Variants in SLMAP observed in about 807,000 individuals in gnomAD.
The protein encoded by SLMAP is sarcolemmal membrane-associated protein.
In SLMAP, 44 loss-of-function variants were observed where a neutral mutation model predicts 128.8. That is an observed-to-expected ratio of 0.34 (90% CI 0.27 to 0.44). The LOEUF (loss-of-function observed/expected upper bound fraction) is 0.44, where lower values mean the gene tolerates loss of function less well. Among genes scored for constraint, SLMAP ranks in the 20% least tolerant of loss-of-function variants. SLMAP has a pLI of 1.00. For missense variants in SLMAP, 787 were observed against 985.3 expected (o/e 0.80, Z 2.69); for synonymous variants, 327 against 348.8 (o/e 0.94, Z 0.70).
At chr3:57,819,902 C>A (rs557566585) in intron 2 of SLMAP, among the ~76,000 whole-genome samples, 1 of 152,046 alleles carries the variant, frequency 6.6e-6, no homozygotes, top group Non-Finnish European at 1.5e-5. Context: ...CAGGCACACA[C>A]CATCACACCC....
rs111414744 is a variant in SLMAP, at chr3:57,769,095, T to C, written c.198+11246T>C. ...GTTTCTTTTTGGGATGATGAAAATGTAAAATTGATTGTGGCGATGGTTGCA... is the reference window on the plus strand; with the variant it reads ...GTTTCTTTTTGGGATGATGAAAATGCAAAATTGATTGTGGCGATGGTTGCA... On this transcript the variant is annotated intron_variant, in intron 2 of 24. Coordinates refer to ENST00000671191, the MANE Select transcript of SLMAP (RefSeq NM_001377540.1). 3.2e-3 allele frequency among the ~76,000 whole-genome samples: 490 copies of C among 152,330 alleles called. 3 individuals are homozygous for C. Among genetic ancestry groups the C allele is most frequent in the African/African-American group, 0.011 (468 of 41,564 alleles).
chr3:57,773,633 A>G (rs749512390), intron 2 of SLMAP, among the ~76,000 whole-genome samples: 3 of 152,308 alleles, frequency 2.0e-5, no homozygotes, highest in East Asian at 3.9e-4. Context: ...CGATAACCCA[A>G]TAACTAAACT....
Position 57,843,712 on chromosome 3 carries a change from CTTTCTTTCTT to C in SLMAP, c.419+2353_419+2362del, listed in dbSNP as rs972712020. On this transcript the variant is annotated intron_variant, in intron 4 of 24. Transcript: ENST00000671191. ...TTGCCTTCCTTCCTTCCTTTTCTTT[CTTTCTTTCTT>C]TTTCTTTCTTTCTTTCTTTCTCTCC... Among the ~76,000 whole-genome samples the C allele has an allele frequency of 1.6e-4, 24 of 147,788 alleles. No homozygotes were observed. In the South Asian group the frequency reaches 4.3e-3, roughly 27 times the overall value.
intron 2 of SLMAP, among the ~76,000 whole-genome samples, chr3:57,794,519 A>T (rs930760420): frequency 6.6e-6 from 1 of 152,198 alleles, no homozygotes; most frequent in African/African-American, 2.4e-5. Context: ...CGCATCTATT[A>T]CCGCTACCTA....
intron 14 of SLMAP, 63 bp downstream of exon 14, chr3:57,871,761 G>T: frequency 8.5e-7 from 1 of 1,181,264 alleles, no homozygotes; most frequent in South Asian, 1.2e-5. Context: ...TTAAAAGTGA[G>T]AGGTAAAATG....
intron 2 of SLMAP, among the ~76,000 whole-genome samples, chr3:57,818,589 T>A (rs1462026560): frequency 6.6e-6 from 1 of 152,220 alleles, no homozygotes; most frequent in Non-Finnish European, 1.5e-5. Flanking sequence ...AAACTGGCAA[T>A]GATTATTGTA....
chr3:57,894,322 A>G (rs889487237), intron 15 of SLMAP, among the ~76,000 whole-genome samples: 1 of 152,206 alleles, frequency 6.6e-6, no homozygotes, highest in Non-Finnish European at 1.5e-5. Flanking sequence ...ACATGGGGTC[A>G]TATTATACAT....
At chr3:57,881,911 C>T (rs2095754412) in intron 14 of SLMAP, among the ~76,000 whole-genome samples, 1 of 152,054 alleles carries the variant, frequency 6.6e-6, no homozygotes, top group African/African-American at 2.4e-5. Context: ...GCCAGAGGAT[C>T]GCTTGAGCCC....
At chr3:57,787,343 C>T (rs973956176) in intron 2 of SLMAP, among the ~76,000 whole-genome samples, 1 of 152,032 alleles carries the variant, frequency 6.6e-6, no homozygotes, top group Non-Finnish European at 1.5e-5. Flanking sequence ...ACCCATTAAT[C>T]GATTGCTTTG....
intron 3 of SLMAP, among the ~76,000 whole-genome samples, chr3:57,834,727 C>T (rs997013870): frequency 6.6e-6 from 1 of 151,804 alleles, no homozygotes; most frequent in African/African-American, 2.4e-5. Flanking sequence ...TTTAAAGAAC[C>T]TAGCATATCA....
chr3:57,833,680 A>G (rs147966986), intron 3 of SLMAP, among the ~76,000 whole-genome samples: 25 of 152,146 alleles, frequency 1.6e-4, no homozygotes, highest in African/African-American at 5.5e-4. Flanking sequence ...AGCCTCCCAA[A>G]GTGCTGGGAT....
In SLMAP at chr3:57,871,675, T is replaced by C; in HGVS notation, c.1277T>C (p.Ile426Thr). The C allele has an allele frequency of 6.2e-7, 1 of 1,612,702 alleles. No individual in the cohort carries two copies. Among genetic ancestry groups the C allele is most frequent in the Non-Finnish European group, 8.5e-7 (1 of 1,178,854 alleles). ...AAGAGTGGCGGGGACTGCACTTTTA[T>C]TCATCAATTCATAGAATGCCAGAGT... ...LSKSGGDCTF[I>T]HQFIECQKKL... The change falls in exon 14 of 25, where the codon ATT (isoleucine) becomes ACT (threonine). Residue 426 changes from isoleucine to threonine, a missense_variant. Ile to Thr is a moderately conservative substitution (Grantham distance 89). Around this residue, in one of 2 missense-constraint regions of SLMAP, gnomAD observed 715 missense variants for 843.6 expected, o/e 0.85. Coordinates refer to ENST00000671191, the MANE Select transcript of SLMAP (RefSeq NM_001377540.1).
At chr3:57,807,571 T>C (rs1419141158) in intron 2 of SLMAP, among the ~76,000 whole-genome samples, 2 of 152,218 alleles carry the variant, frequency 1.3e-5, no homozygotes, top group Non-Finnish European at 2.9e-5. Context: ...TTATTGGTTC[T>C]GTTTATGTGA....
At chr3:57,912,183 G>T in intron 19 of SLMAP, 198 bp from the exon 20 acceptor site, 1 of 499,812 alleles carries the variant, frequency 2.0e-6, no homozygotes, top group Non-Finnish European at 3.6e-6. Flanking sequence ...CTGTGTGTTG[G>T]GGAGATGAAG....
At chr3:57,766,253 T>C (rs2079705087) in intron 2 of SLMAP, among the ~76,000 whole-genome samples, 1 of 149,238 alleles carries the variant, frequency 6.7e-6, no homozygotes, top group Admixed American at 6.8e-5. Context: ...CCTGACCTCG[T>C]GATCCGCCTG....
In SLMAP at chr3:57,814,859, G is replaced by A. The variant is rs571360352; in HGVS notation, c.199-16524G>A. On this transcript the variant is annotated intron_variant, in intron 2 of 24. Transcript: ENST00000671191. ...AAAACTAGCTGGGTGTGGTGAATGTGTGCCTGTAGTCCCAGCTACTCGGGA... is the reference window on the plus strand; with the variant it reads ...AAAACTAGCTGGGTGTGGTGAATGTATGCCTGTAGTCCCAGCTACTCGGGA... Among the ~76,000 whole-genome samples, 3 of 152,158 alleles carry A rather than the reference G, an allele frequency of 2.0e-5. No individual in the cohort carries two copies. In the East Asian group the frequency reaches 5.8e-4, roughly 29 times the overall value.
intron 2 of SLMAP, among the ~76,000 whole-genome samples, chr3:57,774,188 G>T (rs2081386328): frequency 6.6e-6 from 1 of 152,214 alleles, no homozygotes; most frequent in Admixed American, 6.5e-5. Flanking sequence ...ATTGCCAGTT[G>T]TGTGGAGGCA....
intron 2 of SLMAP, among the ~76,000 whole-genome samples, chr3:57,815,643 G>GT (rs994548000): frequency 6.0e-5 from 9 of 151,012 alleles, no homozygotes; most frequent in African/African-American, 9.7e-5. Flanking sequence ...ATATCTTTTG[G>GT]TTTTTTTTAA....
intron 5 of SLMAP, among the ~76,000 whole-genome samples, chr3:57,848,390 CCTT>C (rs1441392040): frequency 1.3e-5 from 2 of 149,564 alleles, no homozygotes; most frequent in Non-Finnish European, 3.0e-5. Context: ...CTTTCTTTTT[CCTT>C]CTTATTCTTC....
Sources: gnomAD v4.1 joint callset for allele counts (sites outside exome capture counted in the v4.1 genomes callset) on GRCh38, gnomAD v4.1.1 for gene constraint, gnomAD v4.1.1 regional missense constraint, MANE v1.5 for transcripts, NCBI Gene and HGNC (gene_info 2026-07-23, HGNC 2026-07-21) for gene names.